The following GPCPD1 variants were observed in gnomAD, a reference collection of about 807,000 sequenced individuals.
GPCPD1 encodes the protein glycerophosphocholine phosphodiesterase GPCPD1.
In GPCPD1, 29 loss-of-function variants were observed where a neutral mutation model predicts 89.2. The ratio of observed to expected loss-of-function variants is 0.33; its 90% CI spans 0.24 to 0.44. The LOEUF (loss-of-function observed/expected upper bound fraction) is 0.44. GPCPD1 is among the 20% of genes least tolerant of loss of function. The probability of loss-of-function intolerance (pLI) is 1.00; values close to 1 mark genes in which losing one functional copy is unlikely to be tolerated. For synonymous variants in GPCPD1, 258 were observed against 266.3 expected (o/e 0.97, Z 0.30); for missense variants, 594 against 808.9 (o/e 0.73, Z 3.22).
intron 19 of GPCPD1, among the ~76,000 whole-genome samples, chr20:5,551,368 G>T (rs1345951082): frequency 1.3e-5 from 2 of 152,286 alleles, no homozygotes; most frequent in Non-Finnish European, 2.9e-5. Flanking sequence ...CTGTGTACTG[G>T]GTTGCCGCAT....
intron 19 of GPCPD1, chr20:5,548,809 A>ATT: frequency 2.0e-6 from 1 of 502,562 alleles, no homozygotes; most frequent in Non-Finnish European, 3.1e-6. Context: ...AGCAGAGTTA[A>ATT]AAGCAGGAGC....
chr20:5,605,409 CA>C (rs2122820874), intron 1 of GPCPD1, among the ~76,000 whole-genome samples: 1 of 152,270 alleles, frequency 6.6e-6, no homozygotes, highest in South Asian at 2.1e-4. Flanking sequence ...CCCACTAAAA[CA>C]AACTACTTGT....
chr20:5,608,136 A>AT (rs1422761764), intron 1 of GPCPD1, among the ~76,000 whole-genome samples: 1 of 152,254 alleles, frequency 6.6e-6, no homozygotes, highest in Non-Finnish European at 1.5e-5. Context: ...TTTCTACTGC[A>AT]TGAAAGCAAA....
intron 8 of GPCPD1, 58 bp from the exon 9 acceptor site, chr20:5,576,036 CAT>C (rs997204805): frequency 4.3e-5 from 31 of 726,424 alleles, no homozygotes; most frequent in East Asian, 2.2e-4. Flanking sequence ...TACATACATA[CAT>C]ATACACACAC....
Position 5,565,017 on chromosome 20 carries a change from C to G in GPCPD1, c.1329G>C (p.Met443Ile), listed in dbSNP as rs371882302. The G allele has an allele frequency of 2.8e-6, 4 of 1,422,454 alleles. No homozygotes were observed. Among genetic ancestry groups the G allele is most frequent in the Non-Finnish European group, 4.0e-6 (4 of 1,006,842 alleles). 88.1% of individuals were successfully genotyped at this position (1,422,454 alleles called of 1,614,324 possible). The change falls in exon 15 of 20, where the codon ATG becomes ATC. Residue 443 changes from methionine (M) to isoleucine (I), a missense_variant and splice_region_variant. Transcript: ENST00000379019. The stretch of plus-strand genomic sequence containing the variant: ...GCCTTGGTTTTCCTCAATAACTTAC[C>G]ATCTTAAGAGAAGGAAATGGCTGAT... The part of the protein sequence containing the change: ...SENQPFPSLK[M>I]VLESLPEDVG...
At chr20:5,589,101 A>T (rs1347953790) in intron 4 of GPCPD1, among the ~76,000 whole-genome samples, 1 of 152,248 alleles carries the variant, frequency 6.6e-6, no homozygotes, top group Non-Finnish European at 1.5e-5. Context: ...ACTTGAATAG[A>T]ATAGCATATT....
intron 12 of GPCPD1, 125 bp from the exon 13 acceptor site, chr20:5,567,685 T>C (rs1160584756): frequency 1.5e-5 from 13 of 876,060 alleles, no homozygotes; most frequent in African/African-American, 3.4e-5. Flanking sequence ...TACTCAACAA[T>C]GAGAATAACT....
intron 1 of GPCPD1, among the ~76,000 whole-genome samples, chr20:5,604,737 TGA>T (rs1337736713): frequency 6.7e-6 from 1 of 149,218 alleles, no homozygotes; most frequent in African/African-American, 2.5e-5. Context: ...CCCAGGAGTT[TGA>T]GACCAATTTG....
chr20:5,557,256 C>T (rs2122562007), intron 19 of GPCPD1, among the ~76,000 whole-genome samples: 1 of 152,284 alleles, frequency 6.6e-6, no homozygotes, highest in East Asian at 1.9e-4. Context: ...GCTTCCCTCT[C>T]ACTACTGTAC....
intron 12 of GPCPD1, chr20:5,567,811 C>T: frequency 3.1e-6 from 1 of 326,760 alleles, no homozygotes; most frequent in Non-Finnish European, 5.6e-6. Flanking sequence ...AAGGAAAATG[C>T]AGCTGGCAGA....
chr20:5,601,571 G>C (rs1418733585), intron 2 of GPCPD1, among the ~76,000 whole-genome samples: 2 of 151,804 alleles, frequency 1.3e-5, no homozygotes, highest in East Asian at 1.9e-4. Context: ...GTTTCACCTT[G>C]TTGGTCCAGT....
intron 2 of GPCPD1, among the ~76,000 whole-genome samples, chr20:5,601,136 T>C (rs1016252399): frequency 2.0e-5 from 3 of 151,906 alleles, no homozygotes; most frequent in African/African-American, 4.8e-5. Context: ...TGAGCCAAGA[T>C]TGCATCACTG....
At chr20:5,590,826 T>C (rs1979279824) in intron 4 of GPCPD1, among the ~76,000 whole-genome samples, 1 of 152,192 alleles carries the variant, frequency 6.6e-6, no homozygotes, top group African/African-American at 2.4e-5. Context: ...ATAAGATAGT[T>C]TGTAATGAAT....
intron 19 of GPCPD1, among the ~76,000 whole-genome samples, chr20:5,556,289 C>G (rs1013420783): frequency 6.6e-6 from 1 of 152,124 alleles, no homozygotes; most frequent in African/African-American, 2.4e-5. Context: ...CTCACTGCAA[C>G]CTCTGCCTCC....
intron 16 of GPCPD1, among the ~76,000 whole-genome samples, chr20:5,560,848 C>T (rs573777288): frequency 6.6e-6 from 1 of 152,214 alleles, no homozygotes; most frequent in Non-Finnish European, 1.5e-5. Flanking sequence ...CAATGCATCC[C>T]ATCAATCTGC....
At position 5,599,002 on chromosome 20, in the gene GPCPD1, G is replaced by A. The variant is rs1035637513; in HGVS notation, c.50-181C>T. ...CTCACTAACACCTGCCAATTAACTC[G>A]ACTCACCTTTCTAGAACCAAAGCCA... is the stretch of plus-strand genomic sequence containing the variant. On this transcript the variant is annotated intron_variant, in intron 2 of 19. Transcript: ENST00000379019. Among the ~76,000 whole-genome samples the A allele has an allele frequency of 2.6e-5, 4 of 152,038 alleles. No homozygotes were observed. The South Asian group carries it at 6.2e-4, about 24-fold the overall frequency.
At chr20:5,565,155 C>A in intron 14 of GPCPD1, 77 bp from the exon 15 acceptor site, 2 of 755,314 alleles carry the variant, frequency 2.6e-6, no homozygotes, top group Non-Finnish European at 4.7e-6. Flanking sequence ...TCCTTAGTGC[C>A]AAAAAAAACA....
At chr20:5,604,222 T>G (rs1363977855) in intron 2 of GPCPD1, 142 bp downstream of exon 2, 7 of 594,414 alleles carry the variant, frequency 1.2e-5, no homozygotes, top group African/African-American at 1.9e-5. Context: ...TCCAAGCACA[T>G]TTCTGCTGTC....
chr20:5,549,098 T>A (rs1985213969), intron 19 of GPCPD1: 1 of 649,714 alleles, frequency 1.5e-6, no homozygotes, highest in South Asian at 1.4e-5. Context: ...TGGCTGTGAC[T>A]ACTCACTTTT....
Sources: gnomAD v4.1 joint callset for allele counts (sites outside exome capture counted in the v4.1 genomes callset) on GRCh38, gnomAD v4.1.1 for gene constraint, MANE v1.5 for transcripts, NCBI Gene and HGNC (gene_info 2026-07-23, HGNC 2026-07-21) for gene names.